NELL1: variants seen among roughly 807,000 people sequenced by gnomAD.
NELL1 encodes protein kinase C-binding protein NELL1.
In NELL1, 76 loss-of-function variants were observed where a neutral mutation model predicts 107.4. The observed-to-expected ratio is 0.71, with a 90% CI of 0.59 to 0.86. The LOEUF (loss-of-function observed/expected upper bound fraction) is 0.86, where lower values mean the gene tolerates loss of function less well. Among genes scored for constraint, NELL1 ranks in the 40% least tolerant of loss-of-function variants. NELL1 has a pLI of 0.00. For synonymous variants in NELL1, 353 were observed against 341.2 expected (o/e 1.03, Z -0.38); for missense variants, 1,024 against 1,005.5 (o/e 1.02, Z -0.25).
intron 2 of NELL1, among the ~76,000 whole-genome samples, chr11:20,679,024 G>A (rs371773349): frequency 6.7e-4 from 102 of 152,298 alleles, no homozygotes; most frequent in Non-Finnish European, 1.2e-3. Context: ...CCAACAAAAA[G>A]ACTTTCGCAT....
At chr11:20,875,830 T>G (rs1186729657) in intron 4 of NELL1, among the ~76,000 whole-genome samples, 2 of 152,186 alleles carry the variant, frequency 1.3e-5, no homozygotes, top group African/African-American at 4.8e-5. Flanking sequence ...TTATTATCAT[T>G]AGAGATCCAG....
At chr11:21,134,840 A>G (rs1463779745) in intron 13 of NELL1, among the ~76,000 whole-genome samples, 1 of 152,228 alleles carries the variant, frequency 6.6e-6, no homozygotes, top group Non-Finnish European at 1.5e-5. Context: ...TTTCGGAGCC[A>G]GCAGAACCAT....
chr11:21,049,516 C>A (rs1853439476), intron 12 of NELL1, among the ~76,000 whole-genome samples: 1 of 152,040 alleles, frequency 6.6e-6, no homozygotes, highest in African/African-American at 2.4e-5. Flanking sequence ...CTTGTAAGGT[C>A]TGTCATTAAG....
chr11:20,880,319 T>G (rs1183837645), intron 4 of NELL1, among the ~76,000 whole-genome samples: 1 of 152,214 alleles, frequency 6.6e-6, no homozygotes, highest in Non-Finnish European at 1.5e-5. Flanking sequence ...CCTGTGCAGC[T>G]CCACATTCTT....
chr11:21,507,090 C>G lies in NELL1; in HGVS notation c.1646-27284C>G, dbSNP rs1168866560. On this transcript the variant is annotated intron_variant, in intron 15 of 19. Coordinates refer to ENST00000357134, the MANE Select transcript of NELL1 (RefSeq NM_006157.5). ...CTCAGAGTAAAACAAGTATTAGAAA[C>G]TTGCTCAAGATCACACTTTGGAAGA... Among the ~76,000 whole-genome samples the G allele has an allele frequency of 2.0e-5, 3 of 152,222 alleles. No individual in the cohort carries two copies. The East Asian group carries it at 5.8e-4, about 29-fold the overall frequency.
At position 21,337,836 on chromosome 11, in the gene NELL1, C is replaced by T. The variant is rs1045980304; in HGVS notation, c.1550-33017C>T. 1.3e-3 allele frequency among the ~76,000 whole-genome samples: 69 copies of T among 51,384 alleles called. 3 individuals are homozygous for T. Among genetic ancestry groups the T allele is most frequent in the African/African-American group, 5.0e-3 (61 of 12,106 alleles). The allele number at this position is 51,384 out of a possible 152,430, so 33.7% of individuals were successfully genotyped here. ...GCTTTCCTTCTTTCTTTCTTTCTTT[C>T]TTTTCTTTCTTTCTTTCTTTCTTTC... On this transcript the variant is annotated intron_variant, in intron 14 of 19. Transcript: ENST00000357134.
rs61507275 is a variant in NELL1 at position 21,439,055 on chromosome 11, C to T, written c.1645+68107C>T. Among the ~76,000 whole-genome samples, 830 of 123,272 alleles carry T rather than the reference C, an allele frequency of 6.7e-3. 9 individuals carry two copies. Among genetic ancestry groups the T allele is most frequent in the African/African-American group, 0.029 (766 of 26,674 alleles). 80.9% of individuals were successfully genotyped at this position (123,272 alleles called of 152,430 possible). A position where few individuals can be genotyped will look rare whatever the true frequency, so the allele number is the denominator to read the frequency against. On this transcript the variant is annotated intron_variant, in intron 15 of 19. Coordinates refer to ENST00000357134, the MANE Select transcript of NELL1 (RefSeq NM_006157.5). ...GCTTAGAGTTGAGGTAGGACACAGA[C>T]CAAACTGCAGGTAATAGAGGTGTGA...
chr11:21,458,581 T>C (rs1234778929), intron 15 of NELL1, among the ~76,000 whole-genome samples: 1 of 152,186 alleles, frequency 6.6e-6, no homozygotes, highest in Non-Finnish European at 1.5e-5. Context: ...GAAAATGTTC[T>C]TGTAATATAT....
chr11:21,425,651 A>T (rs1367090504), intron 15 of NELL1, among the ~76,000 whole-genome samples: 1 of 152,208 alleles, frequency 6.6e-6, no homozygotes, highest in Admixed American at 6.5e-5. Flanking sequence ...AGCCCCGAGA[A>T]GTATCACAGG....
intron 3 of NELL1, among the ~76,000 whole-genome samples, chr11:20,800,908 C>T (rs570796718): frequency 6.6e-6 from 1 of 152,152 alleles, no homozygotes. Context: ...TGTAGAAGGG[C>T]TTTCCTTGGT....
chr11:21,136,702 G>C (rs762257442), intron 13 of NELL1, among the ~76,000 whole-genome samples: 8 of 152,108 alleles, frequency 5.3e-5, no homozygotes, highest in Non-Finnish European at 1.0e-4. Context: ...AGTCCCCTGT[G>C]GTTTGGAGCA....
In NELL1 at chr11:21,456,854, G is replaced by T. The variant is rs534014130; in HGVS notation, c.1646-77520G>T. Among the ~76,000 whole-genome samples, 13 of 151,356 alleles carry T rather than the reference G, an allele frequency of 8.6e-5. No individual in the cohort carries two copies. The South Asian group carries it at 2.7e-3, about 32-fold the overall frequency. On this transcript the variant is annotated intron_variant, in intron 15 of 19. Transcript: ENST00000357134. Reference sequence around the variant, plus strand: ...GATGAACAACTATTTTCCATGAGATGGTGTAACCAGACCAAAAAAGAGAAG... The same window carrying T: ...GATGAACAACTATTTTCCATGAGATTGTGTAACCAGACCAAAAAAGAGAAG...
intron 13 of NELL1, among the ~76,000 whole-genome samples, chr11:21,223,068 C>T (rs1857799507): frequency 6.6e-6 from 1 of 151,974 alleles, no homozygotes; most frequent in Admixed American, 6.6e-5. Flanking sequence ...GGCCTAAAGT[C>T]CAGTTCAAAT....
intron 12 of NELL1, among the ~76,000 whole-genome samples, chr11:21,041,712 T>C (rs1415233090): frequency 6.6e-6 from 1 of 152,234 alleles, no homozygotes; most frequent in African/African-American, 2.4e-5. Flanking sequence ...GATTTAGTTA[T>C]GTTTATTCTA....
chr11:20,809,643 G>A (rs1199159123), intron 3 of NELL1, among the ~76,000 whole-genome samples: 1 of 152,040 alleles, frequency 6.6e-6, no homozygotes. Flanking sequence ...TGTCTACCAG[G>A]CTTATTTCAC....
intron 10 of NELL1, among the ~76,000 whole-genome samples, chr11:20,941,411 C>T (rs1280783169): frequency 6.6e-6 from 1 of 152,146 alleles, no homozygotes; most frequent in African/African-American, 2.4e-5. Context: ...GGGTTTAAAT[C>T]CTGAAATTTT....
In NELL1 at chr11:20,804,472, G is replaced by A. The variant is rs567592596; in HGVS notation, c.335+20642G>A. Among the ~76,000 whole-genome samples the A allele has an allele frequency of 2.0e-5, 3 of 152,166 alleles. 1 individual carries two copies. Among genetic ancestry groups the A allele is most frequent in the Non-Finnish European group, 4.4e-5 (3 of 68,030 alleles). ...GCTGGTCTTGAACTCCTGACATCAA[G>A]TGATGCACCTGCCTCAGCCTCCCAA... is the stretch of plus-strand genomic sequence containing the variant. On this transcript the variant is annotated intron_variant, in intron 3 of 19. Transcript: ENST00000357134.
intron 3 of NELL1, among the ~76,000 whole-genome samples, chr11:20,798,920 G>C (rs570999738): frequency 5.8e-5 from 6 of 104,318 alleles, no homozygotes; most frequent in African/African-American, 8.2e-5. Context: ...GCGAAGGTGT[G>C]TAAGGGGCCT....
chr11:20,944,072 G>T (rs1296802355), intron 10 of NELL1, among the ~76,000 whole-genome samples: 1 of 152,162 alleles, frequency 6.6e-6, no homozygotes, highest in Non-Finnish European at 1.5e-5. Flanking sequence ...ATGCCCTATG[G>T]AATCTGTTGT....
Sources: allele counts gnomAD v4.1 joint callset (sites outside exome capture counted in the v4.1 genomes callset), GRCh38; gene constraint gnomAD v4.1.1; transcripts MANE v1.5; gene names NCBI Gene and HGNC (gene_info 2026-07-23, HGNC 2026-07-21).